PTPRK: variants seen among roughly 807,000 people sequenced by gnomAD.
PTPRK encodes the protein protein tyrosine phosphatase receptor type K.
In PTPRK, 75 loss-of-function variants were observed where a neutral mutation model predicts 178.0. The ratio of observed to expected loss-of-function variants is 0.42; its 90% confidence interval spans 0.35 to 0.51. The LOEUF (loss-of-function observed/expected upper bound fraction) is 0.51, where lower values mean the gene tolerates loss of function less well. Ranked by LOEUF, PTPRK falls within the 20% of genes least tolerant of loss-of-function variation. PTPRK has a pLI of 0.02. For missense variants in PTPRK, 1,441 were observed against 1,797.8 expected (o/e 0.80, Z 3.59); for synonymous variants, 637 against 620.6 (o/e 1.03, Z -0.39).
intron 2 of PTPRK, among the ~76,000 whole-genome samples, chr6:128,331,295 C>T (rs1431784835): frequency 6.6e-6 from 1 of 152,112 alleles, no homozygotes; most frequent in Non-Finnish European, 1.5e-5. Flanking sequence ...CTTTTATGTA[C>T]AAAATATACC....
chr6:128,286,105 T>A (rs1397557389), intron 3 of PTPRK, among the ~76,000 whole-genome samples: 1 of 152,022 alleles, frequency 6.6e-6, no homozygotes, highest in Non-Finnish European at 1.5e-5. Flanking sequence ...TTATGCACCC[T>A]CCCCACAGCA....
intron 2 of PTPRK, among the ~76,000 whole-genome samples, chr6:128,353,678 G>A (rs766716180): frequency 2.0e-5 from 3 of 152,174 alleles, no homozygotes; most frequent in Admixed American, 2.0e-4. Flanking sequence ...CTTAAATTGT[G>A]ACGTTACAGA....
intron 2 of PTPRK, among the ~76,000 whole-genome samples, chr6:128,348,493 A>C (rs538106295): frequency 6.6e-6 from 1 of 152,142 alleles, no homozygotes; most frequent in East Asian, 1.9e-4. Context: ...ATTTGTACTT[A>C]AAAACTATGT....
At chr6:128,373,607 A>T (rs939923159) in intron 2 of PTPRK, among the ~76,000 whole-genome samples, 1 of 152,160 alleles carries the variant, frequency 6.6e-6, no homozygotes. Context: ...GTTGCTTGAA[A>T]TTATCTTTTC....
intron 2 of PTPRK, among the ~76,000 whole-genome samples, chr6:128,361,261 A>G (rs1446990800): frequency 6.6e-6 from 1 of 152,068 alleles, no homozygotes; most frequent in Admixed American, 6.6e-5. Context: ...TGTTCCCCTC[A>G]TTTTCAGTTT....
intron 1 of PTPRK, among the ~76,000 whole-genome samples, chr6:128,473,938 T>G (rs997592568): frequency 1.3e-5 from 2 of 152,078 alleles, no homozygotes; most frequent in Non-Finnish European, 2.9e-5. Flanking sequence ...CCTGACATAT[T>G]TTGTATAATC....
chr6:128,074,108 G>C (rs1379976188), intron 11 of PTPRK, among the ~76,000 whole-genome samples: 1 of 151,954 alleles, frequency 6.6e-6, no homozygotes. Context: ...GGAAGAAATG[G>C]TGGTTTTGAC....
chr6:128,331,303 AC>A (rs1830247242), intron 2 of PTPRK, among the ~76,000 whole-genome samples: 1 of 152,134 alleles, frequency 6.6e-6, no homozygotes, highest in Non-Finnish European at 1.5e-5. Flanking sequence ...TACAAAATAT[AC>A]CATATCTGTC....
chr6:128,347,932 T>C (rs1832632335), intron 2 of PTPRK, among the ~76,000 whole-genome samples: 1 of 152,072 alleles, frequency 6.6e-6, no homozygotes, highest in Admixed American at 6.6e-5. Context: ...TCATAAAGTT[T>C]ATTCTAAGTT....
At chr6:128,270,955 A>G (rs1819715341) in intron 3 of PTPRK, among the ~76,000 whole-genome samples, 1 of 152,140 alleles carries the variant, frequency 6.6e-6, no homozygotes, top group South Asian at 2.1e-4. Context: ...GGTCTTAAAA[A>G]AAAAATCTTA....
chr6:128,305,423 G>A (rs1468216610), intron 3 of PTPRK, among the ~76,000 whole-genome samples: 1 of 152,004 alleles, frequency 6.6e-6, no homozygotes, highest in Non-Finnish European at 1.5e-5. Context: ...ACTATGACTC[G>A]CCTTGTTTAT....
chr6:128,025,015 G>A (rs1403189185), intron 13 of PTPRK, among the ~76,000 whole-genome samples: 1 of 152,312 alleles, frequency 6.6e-6, no homozygotes, highest in East Asian at 1.9e-4. Flanking sequence ...CACAGTACTA[G>A]TTTATTTTGC....
intron 1 of PTPRK, among the ~76,000 whole-genome samples, chr6:128,476,451 A>G (rs987869361): frequency 6.6e-6 from 1 of 152,102 alleles, no homozygotes; most frequent in African/African-American, 2.4e-5. Context: ...TGATATGTTC[A>G]GAATGTGTTG....
chr6:128,148,584 T>C (rs78465426), intron 7 of PTPRK, among the ~76,000 whole-genome samples: 3,301 of 152,164 alleles, frequency 0.022, 96 homozygotes, highest in African/African-American at 0.045. Context: ...TTAATGCTGA[T>C]CATTAGCATT....
At chr6:128,161,291 A>T (rs1333694748) in intron 7 of PTPRK, among the ~76,000 whole-genome samples, 1 of 151,650 alleles carries the variant, frequency 6.6e-6, no homozygotes, top group African/African-American at 2.4e-5. Context: ...TGCATTACTG[A>T]AAGTTCATGT....
At chr6:128,270,009 T>C (rs1454122700) in intron 3 of PTPRK, among the ~76,000 whole-genome samples, 1 of 152,272 alleles carries the variant, frequency 6.6e-6, no homozygotes, top group East Asian at 1.9e-4. Flanking sequence ...CACTTTCCTT[T>C]CTGCTGATTG....
At chr6:128,382,323 T>C (rs1342218959) in intron 2 of PTPRK, among the ~76,000 whole-genome samples, 1 of 151,804 alleles carries the variant, frequency 6.6e-6, no homozygotes, top group Non-Finnish European at 1.5e-5. Context: ...TAGAATACTA[T>C]CTTTTCAACT....
intron 3 of PTPRK, 128 bp downstream of exon 3, chr6:128,321,911 T>A: frequency 4.1e-6 from 5 of 1,221,860 alleles, no homozygotes; most frequent in Non-Finnish European, 5.9e-6. Flanking sequence ...ACTTCCCCAA[T>A]AATGGGGGTG....
At chr6:128,253,501 T>C (rs1032822869) in intron 3 of PTPRK, among the ~76,000 whole-genome samples, 8 of 152,182 alleles carry the variant, frequency 5.3e-5, no homozygotes, top group Admixed American at 3.3e-4. Context: ...AAATAAAAGA[T>C]GACTGGTGAA....
Sources: gnomAD v4.1 joint callset for allele counts (sites outside exome capture counted in the v4.1 genomes callset) on GRCh38, gnomAD v4.1.1 for gene constraint, MANE v1.5 for transcripts, NCBI Gene and HGNC (gene_info 2026-07-23, HGNC 2026-07-21) for gene names.